Variants in ZDHHC18 observed in about 807,000 individuals in gnomAD.
ZDHHC18 encodes the protein zDHHC palmitoyltransferase 18.
In ZDHHC18, 23 loss-of-function variants were observed where a neutral mutation model predicts 37.5. The observed-to-expected ratio is 0.61, with a 90% CI of 0.44 to 0.87. The LOEUF (loss-of-function observed/expected upper bound fraction) is 0.87, where lower values mean the gene tolerates loss of function less well. Ranked by LOEUF, ZDHHC18 falls within the 40% of genes least tolerant of loss-of-function variation. ZDHHC18 has a pLI of 0.00. For missense variants in ZDHHC18, 406 were observed against 525.6 expected (o/e 0.77, Z 2.22); for synonymous variants, 185 against 218.7 (o/e 0.85, Z 1.36).
At chr1:26,841,794 C>A (rs1223811487) in intron 2 of ZDHHC18, among the ~76,000 whole-genome samples, 1 of 152,126 alleles carries the variant, frequency 6.6e-6, no homozygotes, top group African/African-American at 2.4e-5. Flanking sequence ...CAGCCCTCAC[C>A]ACAATCCTAT....
intron 1 of ZDHHC18, among the ~76,000 whole-genome samples, chr1:26,830,819 G>T (rs1365581321): frequency 2.6e-5 from 4 of 152,066 alleles, no homozygotes; most frequent in African/African-American, 9.7e-5. Context: ...TTTTGCTCTT[G>T]TTGCCTAGGC....
chr1:26,826,718 C>T lies in ZDHHC18; in HGVS notation c.-87C>T, dbSNP rs1478558080. The T allele has an allele frequency of 7.9e-6, 5 of 635,992 alleles. No homozygotes were observed. Among genetic ancestry groups the T allele is most frequent in the African/African-American group, 2.0e-5 (1 of 50,062 alleles). The allele number at this position is 635,992 out of a possible 1,614,324, so 39.4% of individuals were successfully genotyped here. On this transcript the variant is annotated 5_prime_UTR_variant, in exon 1 of 8. Transcript: ENST00000374142. This position sits in a 1 kb window ranked among gnomAD's most constrained non-coding sequence, Gnocchi z 5.2. Reference sequence around the variant, plus strand: ...GTGAGCGAGCGAGCGCCGCGCGCGCCGCCGCTGCCACCTCCGCTGCTCGGC... The same window carrying T: ...GTGAGCGAGCGAGCGCCGCGCGCGCTGCCGCTGCCACCTCCGCTGCTCGGC...
At chr1:26,834,467 C>T (rs560633762) in intron 2 of ZDHHC18, among the ~76,000 whole-genome samples, 4 of 152,332 alleles carry the variant, frequency 2.6e-5, no homozygotes, top group Admixed American at 1.3e-4. Flanking sequence ...GGACACATCT[C>T]CTTCATCCTC....
chr1:26,829,520 C>G (rs2081574457), intron 1 of ZDHHC18, among the ~76,000 whole-genome samples: 2 of 152,146 alleles, frequency 1.3e-5, no homozygotes, highest in Non-Finnish European at 1.5e-5. Flanking sequence ...TCCATCCGCA[C>G]AGCATAGCAA....
At position 26,853,864 on chromosome 1, in the gene ZDHHC18, C is replaced by T; in HGVS notation, c.*21C>T. The T allele has an allele frequency of 1.9e-6, 3 of 1,603,924 alleles. No homozygotes were observed. The highest frequency in any genetic ancestry group is 2.6e-6 in the Non-Finnish European group (3 of 1,172,612). On this transcript the variant is annotated 3_prime_UTR_variant, in exon 8 of 8. Transcript: ENST00000374142. ...CCTGACCACGGCTCAGTACTTGCCA[C>T]CTGCTGGCCTGTCTGACCCTCCGCA... is the stretch of plus-strand genomic sequence containing the variant.
chr1:26,851,833 T>A (rs969555787), intron 6 of ZDHHC18, among the ~76,000 whole-genome samples: 8 of 152,214 alleles, frequency 5.3e-5, no homozygotes, highest in African/African-American at 1.9e-4. Flanking sequence ...CACAGGCCAG[T>A]GGGCTCCATT....
At chr1:26,846,073 T>C (rs888008586) in intron 2 of ZDHHC18, among the ~76,000 whole-genome samples, 5 of 151,742 alleles carry the variant, frequency 3.3e-5, no homozygotes, top group African/African-American at 1.2e-4. Flanking sequence ...ATATGCTATA[T>C]CTCTGCCTTT....
chr1:26,845,805 A>G (rs531266234), intron 2 of ZDHHC18, among the ~76,000 whole-genome samples: 1 of 152,172 alleles, frequency 6.6e-6, no homozygotes, highest in East Asian at 1.9e-4. Context: ...TCTGTTGGAA[A>G]GGCTGGAGTA....
At chr1:26,846,184 ATC>A (rs1399312304) in intron 2 of ZDHHC18, among the ~76,000 whole-genome samples, 13 of 139,336 alleles carry the variant, frequency 9.3e-5, no homozygotes, top group African/African-American at 2.7e-4. Context: ...ATACACATAT[ATC>A]TATATACATA....
chr1:26,836,446 C>T (rs570212010), intron 2 of ZDHHC18, among the ~76,000 whole-genome samples: 4 of 152,186 alleles, frequency 2.6e-5, no homozygotes, highest in African/African-American at 9.7e-5. Flanking sequence ...CCTGTCCCCC[C>T]ACAAACCCCA....
chr1:26,834,755 C>G (rs147909827), intron 2 of ZDHHC18, among the ~76,000 whole-genome samples: 1 of 152,312 alleles, frequency 6.6e-6, no homozygotes, highest in African/African-American at 2.4e-5. Flanking sequence ...CTTGCTCTGT[C>G]AGGGTGACAG....
In ZDHHC18 at chr1:26,850,677, A is replaced by C; in HGVS notation, c.833+71A>C. 6.5e-7 allele frequency: 1 copy of C among 1,544,116 alleles called. No individual in the cohort carries two copies. Among genetic ancestry groups the C allele is most frequent in the Non-Finnish European group, 8.9e-7 (1 of 1,122,102 alleles). ...CTTCACTGGGTGGGTGCCCTGCCTC[A>C]TCCTCTAATCAGAAGGGAACAGCGT... is the stretch of plus-strand genomic sequence containing the variant. On this transcript the variant is annotated intron_variant, in intron 5 of 7. Transcript: ENST00000374142. The surrounding 1 kb of genome is among the most constrained non-coding windows in gnomAD (Gnocchi z 6.1).
chr1:26,837,317 ATAACATATTTAATATGTATAATATATT>A (rs1382134532), intron 2 of ZDHHC18, among the ~76,000 whole-genome samples: 5 of 147,594 alleles, frequency 3.4e-5, no homozygotes, highest in Admixed American at 6.8e-5. Context: ...TGTATAATAT[ATAACATATTTAATATGTATAATATATT>A]TAACATATTT....
At chr1:26,848,576 C>T in intron 2 of ZDHHC18, 32 bp from the exon 3 acceptor site, 1 of 1,598,138 alleles carries the variant, frequency 6.3e-7, no homozygotes, top group Non-Finnish European at 8.6e-7. Flanking sequence ...CTGCCTTGGG[C>T]ATTCCCCATC....
intron 1 of ZDHHC18, among the ~76,000 whole-genome samples, chr1:26,829,735 A>T (rs1401893589): frequency 6.6e-6 from 1 of 151,576 alleles, no homozygotes; most frequent in Admixed American, 6.7e-5. Flanking sequence ...ATGAATTGAC[A>T]GTGTATTTGA....
At chr1:26,836,025 C>G (rs2081609834) in intron 2 of ZDHHC18, among the ~76,000 whole-genome samples, 1 of 152,218 alleles carries the variant, frequency 6.6e-6, no homozygotes, top group Non-Finnish European at 1.5e-5. Context: ...CCAGGAAAAT[C>G]AGGGCACTCG....
intron 2 of ZDHHC18, among the ~76,000 whole-genome samples, chr1:26,843,680 C>T (rs952900605): frequency 2.0e-5 from 3 of 151,676 alleles, no homozygotes; most frequent in Non-Finnish European, 4.4e-5. Context: ...ATCCCAACTC[C>T]TCAGGAGGCT....
At chr1:26,846,934 C>T (rs1459855603) in intron 2 of ZDHHC18, among the ~76,000 whole-genome samples, 1 of 151,316 alleles carries the variant, frequency 6.6e-6, no homozygotes, top group Non-Finnish European at 1.5e-5. Context: ...CTCCCACCGT[C>T]GCCCAGGCTG....
chr1:26,851,674 G>A (rs1243821300), intron 6 of ZDHHC18, among the ~76,000 whole-genome samples: 2 of 152,348 alleles, frequency 1.3e-5, no homozygotes, highest in African/African-American at 4.8e-5. Flanking sequence ...ACAGCTGGGA[G>A]GGGACAGAGC....
Sources: allele counts gnomAD v4.1 joint callset (sites outside exome capture counted in the v4.1 genomes callset), GRCh38; gene constraint gnomAD v4.1.1; non-coding constraint Gnocchi (gnomAD v3.1); transcripts MANE v1.5; gene names NCBI Gene and HGNC (gene_info 2026-07-23, HGNC 2026-07-21).